The following DSCAM variants were observed in gnomAD, a reference collection of about 807,000 sequenced individuals.
DSCAM encodes cell adhesion molecule DSCAM.
Under a neutral mutation model 217.7 loss-of-function variants are expected in DSCAM, and 47 were observed. The observed-to-expected ratio is 0.22, with a 90% CI of 0.17 to 0.28. The LOEUF (loss-of-function observed/expected upper bound fraction) is 0.28. Ranked by LOEUF, DSCAM falls within the 10% of genes least tolerant of loss-of-function variation. The probability of loss-of-function intolerance (pLI) is 1.00; values close to 1 mark genes in which losing one functional copy is unlikely to be tolerated. For synonymous variants in DSCAM, 1,056 were observed against 1,015.3 expected (o/e 1.04, Z -0.76); for missense variants, 2,080 against 2,618.3 (o/e 0.79, Z 4.49).
intron 10 of DSCAM, among the ~76,000 whole-genome samples, 178 bp downstream of exon 10, chr21:40,295,877 G>C (rs2073948592): frequency 6.6e-6 from 1 of 152,168 alleles, no homozygotes; most frequent in African/African-American, 2.4e-5. Context: ...TTGTGTGTCT[G>C]AATAAAAACA....
At chr21:40,371,089 A>G (rs530811794) in intron 3 of DSCAM, among the ~76,000 whole-genome samples, 17 of 152,328 alleles carry the variant, frequency 1.1e-4, no homozygotes, top group Non-Finnish European at 1.8e-4. Flanking sequence ...GTAGTATAAA[A>G]TATCTTTAAA....
intron 10 of DSCAM, among the ~76,000 whole-genome samples, chr21:40,290,559 T>G (rs2073879198): frequency 6.6e-6 from 1 of 152,138 alleles, no homozygotes; most frequent in Admixed American, 6.5e-5. Flanking sequence ...AGGTGGAGGT[T>G]GCAGCGAGCC....
At chr21:40,833,064 C>G (rs2092024954) in intron 1 of DSCAM, among the ~76,000 whole-genome samples, 1 of 152,102 alleles carries the variant, frequency 6.6e-6, no homozygotes, top group Non-Finnish European at 1.5e-5. Context: ...AACACCCCTC[C>G]CGGGGCCATC....
chr21:40,369,061 TAGC>T, intron 4 of DSCAM, 35 bp downstream of exon 4: 1 of 1,556,636 alleles, frequency 6.4e-7, no homozygotes, highest in Non-Finnish European at 8.7e-7. Flanking sequence ...AACAAAGAAA[TAGC>T]AGACATAGCA....
intron 10 of DSCAM, among the ~76,000 whole-genome samples, chr21:40,284,330 G>A (rs1191430529): frequency 2.6e-5 from 4 of 152,184 alleles, no homozygotes; most frequent in Non-Finnish European, 5.9e-5. Context: ...CCCTGAGAAA[G>A]AAGCTTCCAC....
chr21:40,683,055 G>A (rs2090431949), intron 3 of DSCAM, among the ~76,000 whole-genome samples: 1 of 152,214 alleles, frequency 6.6e-6, no homozygotes, highest in Non-Finnish European at 1.5e-5. Flanking sequence ...CTGCACGCCA[G>A]GATGAGGCCC....
intron 3 of DSCAM, among the ~76,000 whole-genome samples, chr21:40,402,500 G>A (rs2075245452): frequency 6.6e-6 from 1 of 152,078 alleles, no homozygotes; most frequent in African/African-American, 2.4e-5. Flanking sequence ...TCTTAAATGT[G>A]AAATTATTTC....
chr21:40,699,567 G>A (rs548051714), intron 2 of DSCAM, among the ~76,000 whole-genome samples: 10 of 152,306 alleles, frequency 6.6e-5, no homozygotes, highest in South Asian at 4.1e-4. Flanking sequence ...CTACTTCAGC[G>A]AACAAATGAT....
chr21:40,054,181 T>C (rs2146501834), intron 29 of DSCAM, among the ~76,000 whole-genome samples: 1 of 152,306 alleles, frequency 6.6e-6, no homozygotes, highest in African/African-American at 2.4e-5. Context: ...CAAAAAAAGA[T>C]AATCAAAAGC....
Position 40,536,481 on chromosome 21 carries a change from A to G in DSCAM, c.508+156329T>C, listed in dbSNP as rs2076498480. Among the ~76,000 whole-genome samples the G allele has an allele frequency of 2.7e-5, 4 of 148,184 alleles. No individual in the cohort carries two copies. The South Asian group carries it at 8.6e-4, about 32-fold the overall frequency. ...CAGTGGCGCCATCTCGGCTCACTGC[A>G]AGCTCCGCCTCCCGGGTTCACGCCA... On this transcript the variant is annotated intron_variant, in intron 3 of 32. Coordinates refer to ENST00000400454, the MANE Select transcript of DSCAM (RefSeq NM_001389.5).
At chr21:40,375,085 A>T (rs1366791259) in intron 3 of DSCAM, among the ~76,000 whole-genome samples, 1 of 152,216 alleles carries the variant, frequency 6.6e-6, no homozygotes. Context: ...TATAAAAAAA[A>T]TATCCTGAAG....
intron 3 of DSCAM, among the ~76,000 whole-genome samples, chr21:40,536,457 A>G (rs1415753178): frequency 1.5e-5 from 2 of 135,112 alleles, no homozygotes; most frequent in Non-Finnish European, 3.0e-5. Flanking sequence ...GCTGGAGTGC[A>G]GTGGCGCCAT....
At chr21:40,837,326 G>T (rs958706288) in intron 1 of DSCAM, among the ~76,000 whole-genome samples, 1 of 152,048 alleles carries the variant, frequency 6.6e-6, no homozygotes, top group Non-Finnish European at 1.5e-5. Flanking sequence ...GGGGCCCCTC[G>T]TGCCTGTGAT....
intron 20 of DSCAM, among the ~76,000 whole-genome samples, chr21:40,110,825 A>G (rs1418721543): frequency 6.6e-6 from 1 of 152,268 alleles, no homozygotes. Context: ...GTGATGGAAG[A>G]TCAAATGAAT....
chr21:40,714,811 G>C (rs2090824250), intron 1 of DSCAM, among the ~76,000 whole-genome samples: 1 of 152,152 alleles, frequency 6.6e-6, no homozygotes, highest in African/African-American at 2.4e-5. Context: ...CAGGAGGCCA[G>C]GGCAGAATAC....
chr21:40,402,600 G>C (rs1273781774), intron 3 of DSCAM, among the ~76,000 whole-genome samples: 1 of 151,428 alleles, frequency 6.6e-6, no homozygotes, highest in East Asian at 1.9e-4. Context: ...AAGTTAGGCA[G>C]ACTGTGGCTC....
chr21:40,502,995 G>T (rs944720518), intron 3 of DSCAM, among the ~76,000 whole-genome samples: 7 of 152,176 alleles, frequency 4.6e-5, no homozygotes, highest in Non-Finnish European at 8.8e-5. Flanking sequence ...CACACAGCAG[G>T]TTAAGAACGT....
chr21:40,713,617 A>G (rs2146493194), intron 1 of DSCAM, among the ~76,000 whole-genome samples: 1 of 152,334 alleles, frequency 6.6e-6, no homozygotes, highest in South Asian at 2.1e-4. Flanking sequence ...TTCCTGGCCT[A>G]CTATAGCCTA....
intron 3 of DSCAM, among the ~76,000 whole-genome samples, chr21:40,674,563 C>A (rs1001400018): frequency 6.6e-6 from 1 of 151,844 alleles, no homozygotes; most frequent in East Asian, 1.9e-4. Context: ...AACCTCACCC[C>A]TGGCAATGGA....
Sources: allele counts gnomAD v4.1 joint callset (sites outside exome capture counted in the v4.1 genomes callset), GRCh38; gene constraint gnomAD v4.1.1; transcripts MANE v1.5; gene names NCBI Gene and HGNC (gene_info 2026-07-23, HGNC 2026-07-21).